CPED1: variants seen among roughly 807,000 people sequenced by gnomAD.
CPED1 encodes the protein cadherin-like and PC-esterase domain-containing protein 1.
CPED1 carries 114 observed loss-of-function variants against 128.2 expected under a neutral mutation model. The observed-to-expected ratio is 0.89, with a 90% CI of 0.76 to 1.04. CPED1 has a LOEUF of 1.04. CPED1 is among the 50% of genes least tolerant of loss of function. The pLI, the probability that CPED1 is intolerant of heterozygous loss-of-function variation, is 0.00. For missense variants in CPED1, 1,211 were observed against 1,207.1 expected, an observed-to-expected ratio of 1.00 and a Z score of -0.05; for synonymous variants, 462 against 426.7, an observed-to-expected ratio of 1.08 and a Z score of -1.02.
rs1562852749 is a variant in CPED1 at position 121,256,130 on chromosome 7, A to AAAAAAAAAAAAAAAC, written c.2311-10086_2311-10085insAAACAAAAAAAAAAA. 2.6e-4 allele frequency among the ~76,000 whole-genome samples: 9 copies of AAAAAAAAAAAAAAAC among 35,252 alleles called. 1 individual carries two copies. The highest frequency in any genetic ancestry group is 3.5e-4 in the African/African-American group (8 of 22,542). 23.1% of individuals were successfully genotyped at this position (35,252 alleles called of 152,430 possible). The stretch of plus-strand genomic sequence containing the variant: ...CCTAAGCAAAAAAAAAAAACAAAAC[A>AAAAAAAAAAAAAAAC]AAAAAAAAAAACAAAGCTTATGCCA... On this transcript the variant is annotated intron_variant, in intron 18 of 22. Coordinates refer to ENST00000310396, the MANE Select transcript of CPED1 (RefSeq NM_024913.5).
intron 16 of CPED1, among the ~76,000 whole-genome samples, chr7:121,182,122 A>G (rs1796908543): frequency 6.6e-6 from 1 of 151,962 alleles, no homozygotes; most frequent in East Asian, 1.9e-4. Context: ...GACAATAAGA[A>G]TCAATAAAAA....
intron 5 of CPED1, among the ~76,000 whole-genome samples, chr7:121,088,548 A>G (rs964683756): frequency 6.6e-6 from 1 of 150,912 alleles, no homozygotes; most frequent in African/African-American, 2.4e-5. Flanking sequence ...AATTCCAGCT[A>G]CTCGGGAGGC....
At chr7:121,292,988 G>A (rs1584660019) in intron 22 of CPED1, among the ~76,000 whole-genome samples, 1 of 152,164 alleles carries the variant, frequency 6.6e-6, no homozygotes, top group East Asian at 1.9e-4. Context: ...CAGTCACGAG[G>A]CACGGGGGTC....
In CPED1 at chr7:121,235,735, C is replaced by T. The variant is rs79256531; in HGVS notation, c.2056-979C>T. 3.6e-3 allele frequency among the ~76,000 whole-genome samples: 555 copies of T among 152,078 alleles called. 4 individuals are homozygous for T. The highest frequency in any genetic ancestry group is 6.2e-3 in the Non-Finnish European group (419 of 67,982). On this transcript the variant is annotated intron_variant, in intron 16 of 22. Transcript: ENST00000310396. ...TTCAGTATAGTAGAAAAGACCCAGA[C>T]AAATAATAAACAAACTAACAAACAG...
intron 3 of CPED1, among the ~76,000 whole-genome samples, chr7:121,027,376 A>G (rs1369679742): frequency 6.6e-6 from 1 of 152,122 alleles, no homozygotes; most frequent in Non-Finnish European, 1.5e-5. Context: ...TTTATATGGT[A>G]TTCTGCATAA....
intron 18 of CPED1, among the ~76,000 whole-genome samples, chr7:121,258,530 G>T (rs906871715): frequency 1.3e-5 from 2 of 152,042 alleles, no homozygotes; most frequent in Non-Finnish European, 2.9e-5. Context: ...GAAAAATACG[G>T]ATATTTATTT....
chr7:121,016,843 A>C (rs988303387), intron 3 of CPED1, among the ~76,000 whole-genome samples: 1 of 152,176 alleles, frequency 6.6e-6, no homozygotes, highest in African/African-American at 2.4e-5. Flanking sequence ...GGGGAGGAGG[A>C]GAAGCAATTT....
At chr7:121,192,781 A>G (rs187333430) in intron 16 of CPED1, among the ~76,000 whole-genome samples, 6 of 152,302 alleles carry the variant, frequency 3.9e-5, no homozygotes, top group Admixed American at 2.0e-4. Context: ...ACTGTAAAAT[A>G]AATAATAAAT....
chr7:121,031,480 G>A (rs1169621028), intron 3 of CPED1, among the ~76,000 whole-genome samples: 11 of 152,024 alleles, frequency 7.2e-5, no homozygotes. Context: ...TGGAGATGGG[G>A]TTTCACCATG....
chr7:121,144,807 A>G (rs536361934), intron 16 of CPED1, among the ~76,000 whole-genome samples: 242 of 152,188 alleles, frequency 1.6e-3, no homozygotes, highest in Non-Finnish European at 2.7e-3. Context: ...ATAAATATAT[A>G]CAACTATTAT....
intron 4 of CPED1, among the ~76,000 whole-genome samples, chr7:121,049,738 T>G (rs2116913314): frequency 6.6e-6 from 1 of 152,330 alleles, no homozygotes; most frequent in Non-Finnish European, 1.5e-5. Flanking sequence ...GTCACATACC[T>G]TTATTCTTAC....
chr7:121,041,447 G>A (rs964132638), intron 3 of CPED1, among the ~76,000 whole-genome samples: 7 of 152,114 alleles, frequency 4.6e-5, no homozygotes, highest in African/African-American at 1.7e-4. Flanking sequence ...AAAGCAGGAA[G>A]AGACTTAATA....
At chr7:121,084,470 C>G (rs1794373705) in intron 5 of CPED1, among the ~76,000 whole-genome samples, 1 of 152,134 alleles carries the variant, frequency 6.6e-6, no homozygotes. Context: ...ATGAATGTGA[C>G]AGCTACAAAT....
At chr7:121,236,877 G>A in intron 17 of CPED1, 46 bp downstream of exon 17, 1 of 1,073,074 alleles carries the variant, frequency 9.3e-7, no homozygotes, top group Non-Finnish European at 1.4e-6. Flanking sequence ...AGAATAATTT[G>A]GTATAGATAA....
intron 16 of CPED1, among the ~76,000 whole-genome samples, chr7:121,232,422 T>C (rs528650463): frequency 1.3e-5 from 2 of 152,242 alleles, no homozygotes; most frequent in Admixed American, 6.5e-5. Context: ...ATATGAGATG[T>C]GGGATCTGCT....
chr7:121,116,910 G>C (rs1247095951), intron 7 of CPED1, among the ~76,000 whole-genome samples: 2 of 147,918 alleles, frequency 1.4e-5, no homozygotes. Context: ...CTTGGCTAAG[G>C]GTAGTGATTA....
chr7:121,105,830 T>C (rs1201992219), intron 7 of CPED1, among the ~76,000 whole-genome samples: 1 of 152,152 alleles, frequency 6.6e-6, no homozygotes, highest in Admixed American at 6.6e-5. Flanking sequence ...CATTCCTTCA[T>C]TCCCAACTTG....
intron 18 of CPED1, among the ~76,000 whole-genome samples, chr7:121,251,899 T>A (rs992013868): frequency 9.9e-5 from 15 of 151,502 alleles, no homozygotes; most frequent in African/African-American, 3.2e-4. Flanking sequence ...CAAGGTAATT[T>A]ACAGATTCAA....
intron 18 of CPED1, chr7:121,261,636 G>C (rs1271332565): frequency 1.2e-6 from 2 of 1,610,582 alleles, no homozygotes; most frequent in East Asian, 4.5e-5. Flanking sequence ...CTTCAGTTGG[G>C]TGTCGATGTC....
Sources: allele counts gnomAD v4.1 joint callset (sites outside exome capture counted in the v4.1 genomes callset), GRCh38; gene constraint gnomAD v4.1.1; transcripts MANE v1.5; gene names NCBI Gene and HGNC (gene_info 2026-07-23, HGNC 2026-07-21).